Variants in DNM3 observed in about 807,000 individuals in gnomAD.
DNM3 encodes dynamin-3.
DNM3 carries 47 observed loss-of-function variants against 101.6 expected under a neutral mutation model. The observed-to-expected ratio is 0.46, with a 90% confidence interval of 0.37 to 0.59. DNM3 has a LOEUF of 0.59. DNM3 is among the 20% of genes least tolerant of loss of function. The pLI is 0.00. For synonymous variants in DNM3, 385 were observed against 387.9 expected (o/e 0.99, Z 0.09); for missense variants, 849 against 1,085.7 (o/e 0.78, Z 3.06).
At chr1:171,927,331 A>T (rs2040655336) in intron 2 of DNM3, among the ~76,000 whole-genome samples, 1 of 152,140 alleles carries the variant, frequency 6.6e-6, no homozygotes. Flanking sequence ...AGATTATTTC[A>T]TCATCCAGGT....
At chr1:172,050,106 G>GA (rs1177957094) in intron 10 of DNM3, among the ~76,000 whole-genome samples, 1 of 152,048 alleles carries the variant, frequency 6.6e-6, no homozygotes, top group Non-Finnish European at 1.5e-5. Flanking sequence ...CCATGGAGTT[G>GA]AAAAAAATCA....
intron 14 of DNM3, among the ~76,000 whole-genome samples, chr1:172,177,027 A>T (rs2059175751): frequency 6.6e-6 from 1 of 151,892 alleles, no homozygotes; most frequent in Non-Finnish European, 1.5e-5. Context: ...ACTCAGTAGG[A>T]CTTGGTGACT....
At chr1:172,010,613 A>ATTTTTTTTTTTTTTTTTTTTTTTTT in intron 4 of DNM3, among the ~76,000 whole-genome samples, 1 of 47,196 alleles carries the variant, frequency 2.1e-5, no homozygotes, top group Non-Finnish European at 4.1e-5. Context: ...TATTATGGCT[A>ATTTTTTTTTTTTTTTTTTTTTTTTT]TTTTTTTTTT....
chr1:172,314,316 G>A (rs2065217210), intron 16 of DNM3, among the ~76,000 whole-genome samples: 1 of 152,198 alleles, frequency 6.6e-6, no homozygotes, highest in Admixed American at 6.5e-5. Flanking sequence ...CAACGCAGAA[G>A]ACGGGTGATT....
intron 11 of DNM3, among the ~76,000 whole-genome samples, chr1:172,076,365 G>A (rs1160303831): frequency 6.6e-6 from 1 of 152,186 alleles, no homozygotes; most frequent in African/African-American, 2.4e-5. Context: ...GAACAGGAAT[G>A]GCGAGAGAGG....
At chr1:172,054,295 A>T (rs1166452341) in intron 10 of DNM3, among the ~76,000 whole-genome samples, 2 of 152,242 alleles carry the variant, frequency 1.3e-5, no homozygotes, top group Admixed American at 1.3e-4. Flanking sequence ...TTCTTCCCAG[A>T]TACTTTCTCA....
intron 10 of DNM3, among the ~76,000 whole-genome samples, chr1:172,054,756 C>T (rs184334724): frequency 1.7e-4 from 26 of 152,192 alleles, no homozygotes; most frequent in East Asian, 7.7e-4. Flanking sequence ...ATCAGGAGTT[C>T]GAGACCACCC....
intron 10 of DNM3, among the ~76,000 whole-genome samples, chr1:172,062,897 C>T (rs1289227343): frequency 1.3e-5 from 2 of 152,168 alleles, no homozygotes; most frequent in African/African-American, 2.4e-5. Flanking sequence ...ACTGCCTTCT[C>T]ATATCCTGAA....
chr1:172,090,712 T>C (rs1215665815), intron 12 of DNM3, among the ~76,000 whole-genome samples: 2 of 152,210 alleles, frequency 1.3e-5, no homozygotes, highest in Non-Finnish European at 1.5e-5. Context: ...CAGTGTTTTT[T>C]CATGAGTTTG....
chr1:172,088,194 A>G (rs1314448717), intron 12 of DNM3, among the ~76,000 whole-genome samples: 1 of 152,090 alleles, frequency 6.6e-6, no homozygotes, highest in African/African-American at 2.4e-5. Flanking sequence ...ATTGTTGGAA[A>G]CCCAACTTAC....
intron 17 of DNM3, among the ~76,000 whole-genome samples, chr1:172,324,026 G>A (rs989082547): frequency 2.6e-5 from 4 of 152,234 alleles, no homozygotes; most frequent in East Asian, 1.9e-4. Flanking sequence ...AGATCAATGA[G>A]CAATTTAATA....
At chr1:172,104,996 C>A (rs371119787) in intron 13 of DNM3, among the ~76,000 whole-genome samples, 3 of 152,132 alleles carry the variant, frequency 2.0e-5, no homozygotes, top group South Asian at 2.1e-4. Flanking sequence ...ATTGCATCTA[C>A]CTCTTAGAGT....
intron 1 of DNM3, among the ~76,000 whole-genome samples, chr1:171,847,002 A>G (rs1172460276): frequency 6.6e-6 from 1 of 152,196 alleles, no homozygotes; most frequent in African/African-American, 2.4e-5. Context: ...TCGTATAGCT[A>G]GCAAGCAGCC....
chr1:172,216,920 A>G (rs1287460627), intron 14 of DNM3, among the ~76,000 whole-genome samples: 1 of 152,130 alleles, frequency 6.6e-6, no homozygotes, highest in Non-Finnish European at 1.5e-5. Context: ...GATATTTACT[A>G]TCATAATGGA....
chr1:171,857,857 G>T (rs1433286952), intron 1 of DNM3, among the ~76,000 whole-genome samples: 1 of 152,108 alleles, frequency 6.6e-6, no homozygotes, highest in Non-Finnish European at 1.5e-5. Flanking sequence ...GAGGTCATAA[G>T]GGTGAGGCCC....
chr1:171,892,462 G>A (rs2037374121), intron 1 of DNM3, among the ~76,000 whole-genome samples: 1 of 152,142 alleles, frequency 6.6e-6, no homozygotes. Context: ...ATTTCTGTAT[G>A]TAATCATCTG....
At chr1:172,000,411 A>G (rs1338633660) in intron 4 of DNM3, among the ~76,000 whole-genome samples, 2 of 152,066 alleles carry the variant, frequency 1.3e-5, no homozygotes, top group African/African-American at 4.8e-5. Context: ...CAGAGCACCC[A>G]TATTTCTTTG....
At chr1:172,323,698 G>A (rs2065824966) in intron 17 of DNM3, among the ~76,000 whole-genome samples, 1 of 152,198 alleles carries the variant, frequency 6.6e-6, no homozygotes, top group African/African-American at 2.4e-5. Flanking sequence ...TGCAGCTGAA[G>A]TTTTTGACTA....
chr1:172,044,549 A>T (rs930271255), intron 9 of DNM3, 97 bp downstream of exon 9: 1 of 1,005,438 alleles, frequency 9.9e-7, no homozygotes, highest in Non-Finnish European at 1.5e-6. Context: ...ATCATTGAAT[A>T]GGGTAGAATA....
Sources: gnomAD v4.1 joint callset for allele counts (sites outside exome capture counted in the v4.1 genomes callset) on GRCh38, gnomAD v4.1.1 for gene constraint, MANE v1.5 for transcripts, NCBI Gene and HGNC (gene_info 2026-07-23, HGNC 2026-07-21) for gene names.